The following SMIM31 variants were observed in gnomAD, a reference collection of about 807,000 sequenced individuals.
SMIM31 encodes human epithelial cell program regulator.
At chr4:164,788,472 A>ATTTTTTTT (rs1187569698) in intron 2 of SMIM31, among the ~76,000 whole-genome samples, 1 of 60,504 alleles carries the variant, frequency 1.7e-5, no homozygotes, top group Non-Finnish European at 3.6e-5. Flanking sequence ...CTTTCTTCTA[A>ATTTTTTTT]TTTTTCTTTT....
intron 1 of SMIM31, among the ~76,000 whole-genome samples, chr4:164,754,976 T>C (rs1040388835): frequency 4.0e-5 from 6 of 151,308 alleles, no homozygotes; most frequent in Non-Finnish European, 7.4e-5. Flanking sequence ...TTAAAAGCCT[T>C]TAGAAATACT....
At chr4:164,763,440 G>A (rs150686361) in intron 1 of SMIM31, among the ~76,000 whole-genome samples, 5 of 152,062 alleles carry the variant, frequency 3.3e-5, no homozygotes, top group African/African-American at 7.2e-5. Context: ...TTTACATCTC[G>A]GAATTTTTAA....
At chr4:164,795,709 T>C (rs551888655) in intron 2 of SMIM31, among the ~76,000 whole-genome samples, 38 of 152,288 alleles carry the variant, frequency 2.5e-4, no homozygotes, top group Middle Eastern at 6.8e-3. Context: ...AAGATTGTAT[T>C]TTTTTAGTCA....
At chr4:164,773,914 C>T (rs1732846588) in intron 2 of SMIM31, among the ~76,000 whole-genome samples, 2 of 152,114 alleles carry the variant, frequency 1.3e-5, no homozygotes, top group Non-Finnish European at 2.9e-5. Flanking sequence ...CGCCTGTAAT[C>T]CCAGCACTTT....
chr4:164,795,106 G>A (rs926038327), intron 2 of SMIM31, among the ~76,000 whole-genome samples: 2 of 152,014 alleles, frequency 1.3e-5, no homozygotes, highest in Admixed American at 6.6e-5. Context: ...CTACATAATT[G>A]TACAAAATTT....
intron 2 of SMIM31, among the ~76,000 whole-genome samples, chr4:164,784,191 C>T (rs1374704814): frequency 1.3e-5 from 2 of 152,238 alleles, no homozygotes; most frequent in Non-Finnish European, 2.9e-5. Flanking sequence ...AAGACTTTCT[C>T]ACCACTCCCC....
chr4:164,774,692 T>C (rs1732857666), intron 2 of SMIM31, among the ~76,000 whole-genome samples: 1 of 152,206 alleles, frequency 6.6e-6, no homozygotes, highest in Non-Finnish European at 1.5e-5. Flanking sequence ...TAAAATTAAC[T>C]TTGAGTTGCA....
chr4:164,776,546 TG>T (rs1732882244), intron 2 of SMIM31, among the ~76,000 whole-genome samples: 1 of 152,182 alleles, frequency 6.6e-6, no homozygotes, highest in African/African-American at 2.4e-5. Context: ...TCTTCATCCC[TG>T]TGTGAAGCCT....
chr4:164,796,176 G>A (rs1281992675), intron 2 of SMIM31, among the ~76,000 whole-genome samples: 1 of 152,180 alleles, frequency 6.6e-6, no homozygotes, highest in Non-Finnish European at 1.5e-5. Flanking sequence ...TATTGGCCGG[G>A]TGGTGTTCAA....
chr4:164,760,364 C>A (rs1019673185), intron 1 of SMIM31, among the ~76,000 whole-genome samples: 2 of 151,982 alleles, frequency 1.3e-5, no homozygotes, highest in African/African-American at 4.8e-5. Context: ...TTCATTAAAC[C>A]TTGTGAGTAG....
At chr4:164,771,240 T>G (rs970339854) in intron 2 of SMIM31, among the ~76,000 whole-genome samples, 5 of 152,230 alleles carry the variant, frequency 3.3e-5, no homozygotes, top group African/African-American at 1.2e-4. Context: ...TTCCAGTTCA[T>G]GCTGACTTGC....
intron 2 of SMIM31, among the ~76,000 whole-genome samples, chr4:164,775,847 C>A (rs1560827373): frequency 6.6e-6 from 1 of 152,158 alleles, no homozygotes; most frequent in African/African-American, 2.4e-5. Flanking sequence ...AGATCTGCTC[C>A]CTCACCTACA....
intron 2 of SMIM31, among the ~76,000 whole-genome samples, chr4:164,781,692 C>T (rs6855690): frequency 0.078 from 11,810 of 152,118 alleles, 1,279 homozygotes; most frequent in African/African-American, 0.24. Flanking sequence ...TCTCCAGAGA[C>T]TGCCAAATGT....
Position 164,761,203 on chromosome 4 carries a change from A to G in SMIM31, c.-26+6792A>G, listed in dbSNP as rs187307701. ...AAATCACAGGATTTACTAATAATTT[A>G]TCTTTATGCCATAGCATAACTTTAT... is the stretch of plus-strand genomic sequence containing the variant. On this transcript the variant is annotated intron_variant, in intron 1 of 2. Transcript: ENST00000507311. Among the ~76,000 whole-genome samples, 71 of 152,364 alleles carry G rather than the reference A, an allele frequency of 4.7e-4. 1 individual carries two copies. The East Asian group carries it at 0.014, about 29-fold the overall frequency.
chr4:164,760,300 T>A (rs1247855804), intron 1 of SMIM31, among the ~76,000 whole-genome samples: 2 of 152,268 alleles, frequency 1.3e-5, no homozygotes, highest in Non-Finnish European at 2.9e-5. Flanking sequence ...AATGCTGTCT[T>A]AAGGGTAGAA....
chr4:164,799,479 T>C (rs1733255593), intron 2 of SMIM31, among the ~76,000 whole-genome samples: 1 of 152,072 alleles, frequency 6.6e-6, no homozygotes, highest in South Asian at 2.1e-4. Flanking sequence ...AACAGCCTAA[T>C]ACAGGGCAGA....
intron 1 of SMIM31, among the ~76,000 whole-genome samples, chr4:164,761,183 A>G (rs1732644291): frequency 6.6e-6 from 1 of 152,216 alleles, no homozygotes; most frequent in Non-Finnish European, 1.5e-5. Context: ...AAAGAAAATC[A>G]CAGGATTTAC....
At chr4:164,763,876 A>G (rs1305112650) in intron 1 of SMIM31, among the ~76,000 whole-genome samples, 3 of 152,336 alleles carry the variant, frequency 2.0e-5, no homozygotes, top group South Asian at 4.1e-4. Context: ...TTATACCTCA[A>G]TAAAATTGGG....
intron 1 of SMIM31, among the ~76,000 whole-genome samples, chr4:164,767,231 G>A (rs552946165): frequency 6.2e-4 from 95 of 152,256 alleles, no homozygotes; most frequent in Middle Eastern, 6.8e-3. Context: ...GAATGGTAGG[G>A]TCGGGATAGT....
Sources: gnomAD v4.1 joint callset for allele counts (sites outside exome capture counted in the v4.1 genomes callset) on GRCh38, gnomAD v4.1.1 for gene constraint, MANE v1.5 for transcripts, NCBI Gene and HGNC (gene_info 2026-07-23, HGNC 2026-07-21) for gene names.